NKIRAS1: variants seen among roughly 807,000 people sequenced by gnomAD.
The protein encoded by NKIRAS1 is NFKB inhibitor interacting Ras like 1.
NKIRAS1 carries 16 observed loss-of-function variants against 19.8 expected under a neutral mutation model. The observed-to-expected ratio is 0.81, with a 90% confidence interval of 0.55 to 1.23. The LOEUF is 1.23. NKIRAS1 is among the 50% of genes most tolerant of loss of function. NKIRAS1 has a pLI of 0.00. For synonymous variants in NKIRAS1, 88 were observed against 79.0 expected (o/e 1.11, Z -0.61); for missense variants, 184 against 220.0 (o/e 0.84, Z 1.04).
chr3:23,942,907 C>A (rs1022188629), intron 1 of NKIRAS1, among the ~76,000 whole-genome samples: 3 of 152,062 alleles, frequency 2.0e-5, no homozygotes, highest in African/African-American at 7.2e-5. Context: ...ACCACCAAAC[C>A]CGGCTAATTT....
At chr3:23,945,107 G>A (rs1559518881) in intron 1 of NKIRAS1, among the ~76,000 whole-genome samples, 1 of 150,234 alleles carries the variant, frequency 6.7e-6, no homozygotes, top group African/African-American at 2.4e-5. Flanking sequence ...AAGAGGAGGG[G>A]CTCGGCAAGG....
intron 4 of NKIRAS1, among the ~76,000 whole-genome samples, chr3:23,898,941 A>C (rs554988182): frequency 1.3e-5 from 2 of 152,272 alleles, no homozygotes; most frequent in East Asian, 3.9e-4. Flanking sequence ...TGAACTGCAC[A>C]TGTGAGGGAT....
At chr3:23,902,630 G>T (rs1380052209) in intron 3 of NKIRAS1, among the ~76,000 whole-genome samples, 2 of 152,030 alleles carry the variant, frequency 1.3e-5, no homozygotes, top group Non-Finnish European at 2.9e-5. Flanking sequence ...TCCAAAAGGG[G>T]GTCTAAAGTT....
chr3:23,928,457 C>T (rs1385769534), intron 1 of NKIRAS1, among the ~76,000 whole-genome samples: 1 of 151,704 alleles, frequency 6.6e-6, no homozygotes, highest in Non-Finnish European at 1.5e-5. Context: ...TGATATGTGT[C>T]ATGTTTGGCT....
chr3:23,911,192 GCCTGCAAT>G, intron 2 of NKIRAS1, 129 bp downstream of exon 2: 1 of 291,274 alleles, frequency 3.4e-6, no homozygotes. Flanking sequence ...AGTGGCTCAT[GCCTGCAAT>G]CCTACCACTT....
chr3:23,909,445 T>G (rs1459397602), intron 3 of NKIRAS1, among the ~76,000 whole-genome samples: 1 of 152,190 alleles, frequency 6.6e-6, no homozygotes, highest in East Asian at 1.9e-4. Flanking sequence ...GAGAATTGGC[T>G]GAACCTGGGA....
At chr3:23,918,396 C>T (rs753549324), upstream of NKIRAS1, 10 of 1,598,068 alleles carry the variant, frequency 6.3e-6, no homozygotes, top group Middle Eastern at 2.3e-4. Context: ...TTAAGCCTTA[C>T]GGCTTCCTAT....
At chr3:23,919,235 A>G (rs2125255813), upstream of NKIRAS1, 5 of 1,613,858 alleles carry the variant, frequency 3.1e-6, no homozygotes, top group Non-Finnish European at 4.2e-6. Context: ...GAGAGTCCTG[A>G]ATTCTTACTG....
At chr3:23,910,261 G>A (rs1418741681) in intron 3 of NKIRAS1, among the ~76,000 whole-genome samples, 2 of 149,790 alleles carry the variant, frequency 1.3e-5, no homozygotes, top group Non-Finnish European at 3.0e-5. Context: ...AGGTTCAAGA[G>A]ATTCTCCTGC....
upstream of NKIRAS1, chr3:23,919,560 T>G: frequency 6.9e-7 from 1 of 1,445,452 alleles, no homozygotes; most frequent in Non-Finnish European, 9.1e-7. Flanking sequence ...TCATGTCTGC[T>G]TACAGGTGTT....
In NKIRAS1 at chr3:23,891,743, T is replaced by C. The variant is rs780118513; in HGVS notation, c.*1352A>G. 2 of 152,192 alleles carry C rather than the reference T, an allele frequency of 1.3e-5. No homozygotes were observed. The highest frequency in any genetic ancestry group is 2.9e-5 in the Non-Finnish European group (2 of 68,032). The allele number at this position is 152,192 out of a possible 1,614,324, so 9.4% of individuals were successfully genotyped here. On this transcript the variant is annotated 3_prime_UTR_variant, in exon 5 of 5. Transcript: ENST00000425478. Reference sequence around the variant, plus strand: ...CATTCATTACAGAATTTAAAAAGAATTGGTAACTGTTTGTACTAATATAGA... The same window carrying C: ...CATTCATTACAGAATTTAAAAAGAACTGGTAACTGTTTGTACTAATATAGA...
chr3:23,944,827 G>A (rs1239714700), intron 1 of NKIRAS1, among the ~76,000 whole-genome samples: 1 of 151,394 alleles, frequency 6.6e-6, no homozygotes, highest in African/African-American at 2.4e-5. Context: ...AGGTCGGTCG[G>A]GTGGGAGCGG....
At chr3:23,906,665 G>T (rs540997942) in intron 3 of NKIRAS1, among the ~76,000 whole-genome samples, 154 of 144,692 alleles carry the variant, frequency 1.1e-3, no homozygotes, top group Non-Finnish European at 1.9e-3. Context: ...TTTTTTTTGA[G>T]ATGGAGAATC....
upstream of NKIRAS1, chr3:23,918,584 G>A (rs550146285): frequency 2.5e-6 from 4 of 1,612,662 alleles, no homozygotes; most frequent in East Asian, 2.2e-5. Context: ...GAGGTAAATG[G>A]TTTTGAGTAG....
intron 1 of NKIRAS1, among the ~76,000 whole-genome samples, chr3:23,935,457 C>A (rs1204995571): frequency 6.6e-6 from 1 of 151,828 alleles, no homozygotes; most frequent in East Asian, 1.9e-4. Flanking sequence ...GTTCTGTCTC[C>A]CAGGCTGGAG....
At position 23,926,275 on chromosome 3, in the gene NKIRAS1, C is replaced by T. The variant is rs559336811; in HGVS notation, c.-139-14825G>A. 3.3e-4 allele frequency among the ~76,000 whole-genome samples: 51 copies of T among 152,318 alleles called. No individual in the cohort carries two copies. The highest frequency in any genetic ancestry group is 1.0e-3 in the African/African-American group (43 of 41,568). On this transcript the variant is annotated intron_variant, in intron 1 of 4. Transcript: ENST00000421515. This position sits in a 1 kb window ranked among gnomAD's most constrained non-coding sequence, Gnocchi z 4.3. The stretch of plus-strand genomic sequence containing the variant: ...CCGTGTTGGCCAGGCTGGTCTCAAA[C>T]GCCTGACCTTAGGTGATCCACCTGC...
intron 1 of NKIRAS1, among the ~76,000 whole-genome samples, chr3:23,930,808 T>A (rs1372145262): frequency 6.6e-6 from 1 of 151,482 alleles, no homozygotes. Context: ...GCTTAGGTGA[T>A]CCTCCCACCT....
Position 23,890,621 on chromosome 3 carries a change from A to G in NKIRAS1, c.*2474T>C, listed in dbSNP as rs1288145424. 1.3e-6 allele frequency: 2 copies of G among 1,571,554 alleles called. No homozygotes were observed. The highest frequency in any genetic ancestry group is 1.4e-5 in the African/African-American group (1 of 73,656). ...ACGCTACATAAATTGGGGTTTCACA[A>G]TTCTTACATTATTTGTCTGTCACAG... On this transcript the variant is annotated 3_prime_UTR_variant, in exon 5 of 5. Transcript: ENST00000425478.
At chr3:23,920,665 T>A (rs770656628), upstream of NKIRAS1, 48 of 985,140 alleles carry the variant, frequency 4.9e-5, no homozygotes, top group Non-Finnish European at 5.5e-5. Flanking sequence ...AATTTTCTCC[T>A]ATCTTCTCTA....
Sources: allele counts gnomAD v4.1 joint callset (sites outside exome capture counted in the v4.1 genomes callset), GRCh38; gene constraint gnomAD v4.1.1; non-coding constraint Gnocchi (gnomAD v3.1); transcripts MANE v1.5; gene names NCBI Gene and HGNC (gene_info 2026-07-23, HGNC 2026-07-21).